NCOA3: variants seen among roughly 807,000 people sequenced by gnomAD.
NCOA3 encodes nuclear receptor coactivator 3.
Under a neutral mutation model 158.8 loss-of-function variants are expected in NCOA3, and 51 were observed. That is an observed-to-expected ratio of 0.32 (90% CI 0.26 to 0.41). NCOA3 has a LOEUF of 0.41. Ranked by LOEUF, NCOA3 falls within the 10% of genes least tolerant of loss-of-function variation. The pLI is 1.00. For missense variants in NCOA3, 1,510 were observed against 1,746.6 expected, an observed-to-expected ratio of 0.86 and a Z score of 2.41; for synonymous variants, 537 against 592.4, an observed-to-expected ratio of 0.91 and a Z score of 1.36.
At chr20:47,554,727 A>T (rs1404286750) in intron 1 of NCOA3, among the ~76,000 whole-genome samples, 3 of 152,088 alleles carry the variant, frequency 2.0e-5, no homozygotes, top group Non-Finnish European at 4.4e-5. Context: ...CAAATGGAAG[A>T]ACGTTCCATG....
chr20:47,503,077 T>C (rs2146034414), intron 1 of NCOA3, among the ~76,000 whole-genome samples: 1 of 152,190 alleles, frequency 6.6e-6, no homozygotes, highest in African/African-American at 2.4e-5. Flanking sequence ...GGAAGGAGAG[T>C]ACCAGCTGTC....
intron 1 of NCOA3, among the ~76,000 whole-genome samples, chr20:47,572,513 A>G (rs1210950183): frequency 1.3e-5 from 2 of 151,378 alleles, no homozygotes; most frequent in Non-Finnish European, 2.9e-5. Flanking sequence ...TTCCTCACTA[A>G]GCTTAATCAT....
At chr20:47,532,215 A>C (rs77381465) in intron 1 of NCOA3, among the ~76,000 whole-genome samples, 2,183 of 151,992 alleles carry the variant, frequency 0.014, 41 homozygotes, top group African/African-American at 0.05. Context: ...CCAGGAAGTA[A>C]GTAAGCCCTG....
chr20:47,625,578 A>T lies in NCOA3; in HGVS notation c.357+97A>T, dbSNP rs2086308835. The T allele has an allele frequency of 3.6e-6, 3 of 824,336 alleles. No individual in the cohort carries two copies. The African/African-American group carries it at 5.2e-5, about 14-fold the overall frequency. The allele number at this position is 824,336 out of a possible 1,614,324, so 51.1% of individuals were successfully genotyped here. A position where few individuals can be genotyped will look rare whatever the true frequency, so the allele number is the denominator to read the frequency against. The stretch of plus-strand genomic sequence containing the variant: ...GATGAAATTTTGGTTAGGAAATGAG[A>T]ACAAAAAGAAAACATTTTTTTCTTT... On this transcript the variant is annotated intron_variant, in intron 5 of 22. Coordinates refer to ENST00000371998, the MANE Select transcript of NCOA3 (RefSeq NM_181659.3).
chr20:47,553,771 G>T (rs1429704351), intron 1 of NCOA3, among the ~76,000 whole-genome samples: 2 of 152,010 alleles, frequency 1.3e-5, no homozygotes, highest in African/African-American at 4.8e-5. Context: ...GTGTATATGT[G>T]CCATGTTTTC....
At chr20:47,621,422 G>A (rs2086238678) in intron 2 of NCOA3, among the ~76,000 whole-genome samples, 2 of 151,920 alleles carry the variant, frequency 1.3e-5, no homozygotes, top group Admixed American at 6.5e-5. Flanking sequence ...AATGCAAGAT[G>A]CATTTTAATA....
chr20:47,652,651 A>G, intron 21 of NCOA3, 71 bp downstream of exon 21: 11 of 1,445,368 alleles, frequency 7.6e-6, no homozygotes, highest in Non-Finnish European at 1.0e-5. Context: ...TGTATTTTTC[A>G]GTCAAGCCTT....
chr20:47,638,346 G>C (rs1027738829), intron 13 of NCOA3, among the ~76,000 whole-genome samples: 1 of 152,196 alleles, frequency 6.6e-6, no homozygotes, highest in Non-Finnish European at 1.5e-5. Context: ...GGAGGCGAAG[G>C]TTGCAGTGAG....
chr20:47,644,547 C>G (rs1475582087), intron 17 of NCOA3, among the ~76,000 whole-genome samples: 2 of 152,156 alleles, frequency 1.3e-5, no homozygotes, highest in African/African-American at 4.8e-5. Context: ...TATCAAGTAT[C>G]TGGTGATCCC....
At chr20:47,597,330 C>G (rs888393647) in intron 2 of NCOA3, among the ~76,000 whole-genome samples, 3 of 151,904 alleles carry the variant, frequency 2.0e-5, no homozygotes, top group Non-Finnish European at 4.4e-5. Context: ...CTTGGATATT[C>G]TTTTCTTTTT....
At chr20:47,597,874 A>T (rs1011911245) in intron 2 of NCOA3, among the ~76,000 whole-genome samples, 3 of 151,848 alleles carry the variant, frequency 2.0e-5, no homozygotes, top group African/African-American at 7.3e-5. Context: ...TGCTTTCCCC[A>T]TTAGAGCCCG....
At chr20:47,554,428 C>G (rs1400809469) in intron 1 of NCOA3, among the ~76,000 whole-genome samples, 1 of 152,042 alleles carries the variant, frequency 6.6e-6, no homozygotes, top group African/African-American at 2.4e-5. Context: ...TCAATTTTGG[C>G]TTTTGTTGCC....
intron 2 of NCOA3, among the ~76,000 whole-genome samples, chr20:47,600,682 C>T (rs532639274): frequency 3.1e-4 from 47 of 151,036 alleles, no homozygotes; most frequent in African/African-American, 1.1e-3. Context: ...ACCCAGCTAA[C>T]GTTTTGTATT....
chr20:47,601,305 T>A (rs1347059379), intron 2 of NCOA3, among the ~76,000 whole-genome samples: 1 of 152,188 alleles, frequency 6.6e-6, no homozygotes, highest in Non-Finnish European at 1.5e-5. Flanking sequence ...CTTAACGACT[T>A]ACTTGCCTCT....
intron 1 of NCOA3, among the ~76,000 whole-genome samples, chr20:47,503,437 T>A (rs774520502): frequency 2.6e-5 from 4 of 152,190 alleles, no homozygotes; most frequent in Non-Finnish European, 4.4e-5. Flanking sequence ...AAAGTGAATC[T>A]CTCTTTCACG....
chr20:47,532,610 G>C (rs2084564260), intron 1 of NCOA3, among the ~76,000 whole-genome samples: 1 of 152,106 alleles, frequency 6.6e-6, no homozygotes, highest in African/African-American at 2.4e-5. Context: ...TTGGCCTACA[G>C]GTGAGTGTTA....
rs71183263 is a variant in NCOA3 at position 47,558,232 on chromosome 20, A to ATTTTTTTTTTTTTTT, written c.-98-24936_-98-24922dup. 7.4e-4 allele frequency among the ~76,000 whole-genome samples: 41 copies of ATTTTTTTTTTTTTTT among 55,524 alleles called. 5 individuals are homozygous for ATTTTTTTTTTTTTTT. The highest frequency in any genetic ancestry group is 2.5e-3 in the African/African-American group (39 of 15,480). 36.4% of individuals were successfully genotyped at this position (55,524 alleles called of 152,430 possible). ...CACCTCCACGCCCAGCTAATTTTGT[A>ATTTTTTTTTTTTTTT]TTTTTTTTTTTTTTTTTTTTTTTTT... On this transcript the variant is annotated intron_variant, in intron 1 of 22. Coordinates refer to ENST00000371998, the MANE Select transcript of NCOA3 (RefSeq NM_181659.3).
chr20:47,586,233 T>A (rs1217695176), intron 2 of NCOA3, among the ~76,000 whole-genome samples: 1 of 152,184 alleles, frequency 6.6e-6, no homozygotes, highest in Non-Finnish European at 1.5e-5. Flanking sequence ...TTTTCTTTTT[T>A]AAATACCTTT....
At position 47,648,279 on chromosome 20, in the gene NCOA3, C is replaced by CA. The variant is rs1310003824; in HGVS notation, c.3547-725dup. Reference sequence around the variant, plus strand: ...ATTGTTAAAAGTCAGTTTAGGTACTCAGAAAAGCTGTGTTACTGTATTCAT... The same window carrying CA: ...ATTGTTAAAAGTCAGTTTAGGTACTCAAGAAAAGCTGTGTTACTGTATTCAT... On this transcript the variant is annotated intron_variant, in intron 18 of 22. Coordinates refer to ENST00000371998, the MANE Select transcript of NCOA3 (RefSeq NM_181659.3). Among the ~76,000 whole-genome samples the CA allele has an allele frequency of 3.9e-5, 6 of 152,208 alleles. No individual in the cohort carries two copies. In the East Asian group the frequency reaches 1.2e-3, roughly 29 times the overall value.
Sources: gnomAD v4.1 joint callset for allele counts (sites outside exome capture counted in the v4.1 genomes callset) on GRCh38, gnomAD v4.1.1 for gene constraint, MANE v1.5 for transcripts, NCBI Gene and HGNC (gene_info 2026-07-23, HGNC 2026-07-21) for gene names.